The following RBM19 variants were observed in gnomAD, a reference collection of about 807,000 sequenced individuals.
RBM19 encodes the protein probable RNA-binding protein 19.
RBM19 carries 94 observed loss-of-function variants against 116.8 expected under a neutral mutation model. That is an observed-to-expected ratio of 0.80 (90% CI 0.68 to 0.95). The LOEUF is 0.95. Among genes scored for constraint, RBM19 ranks in the 40% least tolerant of loss-of-function variants. The pLI is 0.00. For missense variants in RBM19, 1,161 were observed against 1,220.7 expected, an observed-to-expected ratio of 0.95 and a Z score of 0.73; for synonymous variants, 475 against 494.1, an observed-to-expected ratio of 0.96 and a Z score of 0.51.
intron 22 of RBM19, among the ~76,000 whole-genome samples, chr12:113,851,933 C>T (rs1441587644): frequency 6.6e-6 from 1 of 151,882 alleles, no homozygotes; most frequent in Non-Finnish European, 1.5e-5. Context: ...CGTCTGTGAT[C>T]CTAGCTACTT....
chr12:113,823,319 G>T lies in RBM19; in HGVS notation c.2788C>A (p.Pro930Thr). 1 of 1,612,724 alleles carries T rather than the reference G, an allele frequency of 6.2e-7. No homozygotes were observed. Among genetic ancestry groups the T allele is most frequent in the Non-Finnish European group, 8.5e-7 (1 of 1,179,962 alleles). Residue 930 changes from proline (P) to threonine (T), a missense_variant and splice_region_variant, in exon 24 of 24, where the codon CCC becomes ACC. By Grantham distance (38) the Pro-to-Thr change is conservative. Coordinates refer to ENST00000261741, the MANE Select transcript of RBM19 (RefSeq NM_016196.4). Reference protein sequence around the residue: ...RRKTAAHFHEPPKKKRSVVLD... With the variant: ...RRKTAAHFHETPKKKRSVVLD... ...ACCACAGACCGCTTTTTCTTCGGGG[G>T]CTCTGTGGGAGCCCAGATGGCAAGA...
chr12:113,831,501 G>A (rs2135693409), intron 23 of RBM19, among the ~76,000 whole-genome samples: 1 of 152,100 alleles, frequency 6.6e-6, no homozygotes, highest in Non-Finnish European at 1.5e-5. Flanking sequence ...GTCCAATCCC[G>A]GCCCAGCCCC....
intron 21 of RBM19, among the ~76,000 whole-genome samples, chr12:113,890,426 G>A (rs963133880): frequency 7.9e-5 from 12 of 152,196 alleles, no homozygotes; most frequent in African/African-American, 2.7e-4. Flanking sequence ...AATCGGAGGC[G>A]ATGGCAGCCG....
intron 15 of RBM19, among the ~76,000 whole-genome samples, chr12:113,939,553 T>C (rs1870363629): frequency 6.6e-6 from 1 of 151,572 alleles, no homozygotes. Context: ...ATCGAGACCA[T>C]CCTGGTGAAC....
chr12:113,935,926 C>T (rs955942154), intron 16 of RBM19, among the ~76,000 whole-genome samples: 33 of 151,984 alleles, frequency 2.2e-4, no homozygotes, highest in African/African-American at 7.7e-4. Flanking sequence ...GTCCCAGCTA[C>T]TCGGGAGGCT....
intron 19 of RBM19, among the ~76,000 whole-genome samples, chr12:113,920,082 T>C (rs1868396427): frequency 6.6e-6 from 1 of 152,172 alleles, no homozygotes; most frequent in Non-Finnish European, 1.5e-5. Context: ...TCCCACCTTA[T>C]GGCCCCTGCC....
chr12:113,849,980 C>T (rs1392120465), intron 22 of RBM19, among the ~76,000 whole-genome samples: 2 of 152,158 alleles, frequency 1.3e-5, no homozygotes, highest in African/African-American at 4.8e-5. Context: ...GTGCTGCGTA[C>T]CTCCCCCTCC....
Position 113,844,696 on chromosome 12 carries a change from C to T in RBM19, c.2757G>A (p.Leu919=), listed in dbSNP as rs1876799012. The part of the protein sequence containing the change: ...WADSEVTLQA[L]RRKTAAHFHE... ...GAAAGTGAGCGGCCGTCTTCCGCCG[C>T]AGGGCCTGCAGGGTCACCTCGGAGT... is the stretch of plus-strand genomic sequence containing the variant. Residue 919 remains leucine (L), a synonymous_variant, in exon 23 of 24, where the codon CTG becomes CTA. Transcript: ENST00000261741. 6.2e-7 allele frequency: 1 copy of T among 1,612,242 alleles called. No homozygotes were observed.
At chr12:113,957,081 T>C (rs1202625359) in intron 6 of RBM19, among the ~76,000 whole-genome samples, 1 of 152,220 alleles carries the variant, frequency 6.6e-6, no homozygotes, top group South Asian at 2.1e-4. Context: ...TATGGGTGTG[T>C]TGACCGGGGC....
intron 21 of RBM19, among the ~76,000 whole-genome samples, chr12:113,868,275 TGTTGCCTC>T (rs1282358008): frequency 6.6e-6 from 1 of 152,214 alleles, no homozygotes; most frequent in Non-Finnish European, 1.5e-5. Context: ...TCTCCTTACC[TGTTGCCTC>T]ACAGTAGACG....
At chr12:113,919,479 G>A (rs1882977124) in intron 19 of RBM19, among the ~76,000 whole-genome samples, 1 of 152,228 alleles carries the variant, frequency 6.6e-6, no homozygotes, top group Non-Finnish European at 1.5e-5. Context: ...GCTGAGGCAG[G>A]AGAATGGCGT....
chr12:113,837,244 A>AACACACACAC (rs1328905404), intron 23 of RBM19, among the ~76,000 whole-genome samples: 1 of 13,566 alleles, frequency 7.4e-5, no homozygotes, highest in East Asian at 6.0e-3. Context: ...CCATCCTCCT[A>AACACACACAC]ATACACACAC....
chr12:113,920,494 TG>T, intron 19 of RBM19, 116 bp downstream of exon 19: 1 of 943,180 alleles, frequency 1.1e-6, no homozygotes, highest in South Asian at 1.4e-5. Flanking sequence ...GGAAAAGCAA[TG>T]GGCCCGGTCA....
intron 22 of RBM19, among the ~76,000 whole-genome samples, chr12:113,857,335 C>T (rs1877987267): frequency 6.6e-6 from 1 of 152,242 alleles, no homozygotes; most frequent in Non-Finnish European, 1.5e-5. Flanking sequence ...ATGCCAGGAC[C>T]GAGTCAGTGT....
In RBM19 at chr12:113,823,286, C is replaced by G. The variant is rs143207270; in HGVS notation, c.2821G>C (p.Glu941Gln). 3 of 1,613,228 alleles carry G rather than the reference C, an allele frequency of 1.9e-6. No individual in the cohort carries two copies. Among genetic ancestry groups the G allele is most frequent in the Non-Finnish European group, 2.5e-6 (3 of 1,180,022 alleles). Residue 941 changes from glutamate (E) to glutamine (Q), a missense_variant, in exon 24 of 24, where the codon GAG becomes CAG. By Grantham distance (29) the Glu-to-Gln change is conservative. Coordinates refer to ENST00000261741, the MANE Select transcript of RBM19 (RefSeq NM_016196.4). ...PKKKRSVVLD[E>Q]ILEQLEGSDS... ...CTGCCTTCCAGCTGCTCCAGGATCT[C>G]GTCCAACACCACAGACCGCTTTTTC...
rs1166519310 is a variant in RBM19, at chr12:113,954,999, T to C, written c.921+132A>G. 3.7e-6 allele frequency: 3 copies of C among 815,838 alleles called. No homozygotes were observed. In the African/African-American group the frequency reaches 5.1e-5, roughly 14 times the overall value. The allele number at this position is 815,838 out of a possible 1,614,324, so 50.5% of individuals were successfully genotyped here. A position where few individuals can be genotyped will look rare whatever the true frequency, so the allele number is the denominator to read the frequency against. ...CCGGAGATGTTATTTCTCAGCCTTT[T>C]TGGCCCCCAATTCCTTCCAGCTCAT... On this transcript the variant is annotated intron_variant, in intron 7 of 23. Transcript: ENST00000261741.
chr12:113,955,481 G>A (rs747113474), intron 6 of RBM19, among the ~76,000 whole-genome samples: 10 of 151,612 alleles, frequency 6.6e-5, no homozygotes, highest in Non-Finnish European at 1.0e-4. Context: ...GGGCTACAAG[G>A]AGGGGCAGGG....
intron 16 of RBM19, among the ~76,000 whole-genome samples, chr12:113,935,271 G>A (rs796810154): frequency 7.2e-5 from 11 of 151,928 alleles, no homozygotes; most frequent in African/African-American, 2.7e-4. Flanking sequence ...AGCCCTGGCT[G>A]ATCTCTGCGT....
At chr12:113,922,313 T>C (rs894548396) in intron 18 of RBM19, among the ~76,000 whole-genome samples, 3 of 152,248 alleles carry the variant, frequency 2.0e-5, no homozygotes, top group African/African-American at 7.2e-5. Context: ...TGTTTCCTGC[T>C]GCAACCCTGA....
Sources: allele counts gnomAD v4.1 joint callset (sites outside exome capture counted in the v4.1 genomes callset), GRCh38; gene constraint gnomAD v4.1.1; transcripts MANE v1.5; gene names NCBI Gene and HGNC (gene_info 2026-07-23, HGNC 2026-07-21).